The following NOS2 variants were observed in gnomAD, a reference collection of about 807,000 sequenced individuals.
The protein encoded by NOS2 is nitric oxide synthase 2, also known as nitric oxide synthase, inducible.
In NOS2, 96 loss-of-function variants were observed where a neutral mutation model predicts 136.0. The observed-to-expected ratio is 0.71, with a 90% CI of 0.60 to 0.84. NOS2 has a LOEUF of 0.84. NOS2 is among the 40% of genes least tolerant of loss of function. The pLI is 0.00. For synonymous variants in NOS2, 539 were observed against 587.5 expected (o/e 0.92, Z 1.20); for missense variants, 1,237 against 1,496.9 (o/e 0.83, Z 2.87).
intron 13 of NOS2, among the ~76,000 whole-genome samples, 154 bp from the exon 14 acceptor site, chr17:27,772,606 C>T (rs570575937): frequency 2.0e-5 from 3 of 152,294 alleles, no homozygotes; most frequent in African/African-American, 7.2e-5. Flanking sequence ...ACCGTGACAA[C>T]TCACCCTTTT....
chr17:27,769,699 G>A (rs1169743003), intron 15 of NOS2, 115 bp from the exon 16 acceptor site: 11 of 906,204 alleles, frequency 1.2e-5, no homozygotes, highest in South Asian at 5.7e-5. Context: ...AGCCCACCAC[G>A]GAAGTTGGTT....
chr17:27,782,834 T>C lies in NOS2; in HGVS notation c.630+110A>G, dbSNP rs558746354. ...GAATGTAAGAGAGGATCCAGGGCCATGGCTTCAGTCCCAGGAGGCCTGGGC... is the reference window on the plus strand; with the variant it reads ...GAATGTAAGAGAGGATCCAGGGCCACGGCTTCAGTCCCAGGAGGCCTGGGC... On this transcript the variant is annotated intron_variant, in intron 6 of 26. Coordinates refer to ENST00000313735, the MANE Select transcript of NOS2 (RefSeq NM_000625.4). The C allele has an allele frequency of 6.5e-6, 7 of 1,074,980 alleles. No individual in the cohort carries two copies. The Admixed American group carries it at 9.5e-5, about 15-fold the overall frequency. 66.6% of individuals were successfully genotyped at this position (1,074,980 alleles called of 1,614,324 possible).
intron 18 of NOS2, among the ~76,000 whole-genome samples, chr17:27,766,834 G>T (rs1238853946): frequency 6.6e-6 from 1 of 151,954 alleles, no homozygotes; most frequent in Non-Finnish European, 1.5e-5. Flanking sequence ...ATTACTGGAG[G>T]TCAAGAGTTT....
chr17:27,768,902 C>T (rs765234804), intron 17 of NOS2, 75 bp downstream of exon 17: 16 of 1,444,892 alleles, frequency 1.1e-5, no homozygotes, highest in Non-Finnish European at 1.5e-5. Context: ...ACCTGGGACG[C>T]CCAGCACAGA....
At chr17:27,760,582 C>T in intron 24 of NOS2, 41 bp downstream of exon 24, 1 of 1,550,258 alleles carries the variant, frequency 6.5e-7, no homozygotes, top group Non-Finnish European at 8.7e-7. Context: ...CAGGCGCTGG[C>T]CCCCTGGTGC....
intron 19 of NOS2, 40 bp downstream of exon 19, chr17:27,766,470 C>T (rs1035561325): frequency 1.1e-5 from 16 of 1,492,932 alleles, no homozygotes; most frequent in Middle Eastern, 3.4e-4. Flanking sequence ...AAAATAAAAT[C>T]GACAGAGTAT....
At chr17:27,757,923 A>G (rs1454457267) in intron 26 of NOS2, among the ~76,000 whole-genome samples, 4 of 152,198 alleles carry the variant, frequency 2.6e-5, no homozygotes, top group Non-Finnish European at 5.9e-5. Context: ...AGAACAGCCC[A>G]GAGTGTTTCC....
chr17:27,779,537 C>A (rs1430890203), intron 9 of NOS2, among the ~76,000 whole-genome samples: 1 of 151,998 alleles, frequency 6.6e-6, no homozygotes, highest in Admixed American at 6.6e-5. Context: ...CAAGAAAACT[C>A]CTTTCCAAGA....
chr17:27,794,992 C>T (rs553673892), intron 2 of NOS2, among the ~76,000 whole-genome samples: 1 of 152,220 alleles, frequency 6.6e-6, no homozygotes, highest in Non-Finnish European at 1.5e-5. Context: ...CCCCCAACTC[C>T]TCCCCACACT....
At chr17:27,781,201 G>T in intron 7 of NOS2, 24 bp from the exon 8 acceptor site, 2 of 1,592,412 alleles carry the variant, frequency 1.3e-6, no homozygotes, top group Non-Finnish European at 1.7e-6. Flanking sequence ...GAACAGTACT[G>T]TTTACCACCT....
At chr17:27,769,499 G>A (rs1323056911) in intron 16 of NOS2, 36 bp downstream of exon 16, 1 of 1,592,386 alleles carries the variant, frequency 6.3e-7, no homozygotes, top group African/African-American at 1.3e-5. Flanking sequence ...GGTCCACAGG[G>A]CAGGGCTAGG....
Position 27,782,020 on chromosome 17 carries a change from G to T in NOS2, c.717C>A (p.Asn239Lys), listed in dbSNP as rs367879866. The T allele has an allele frequency of 1.9e-6, 3 of 1,613,832 alleles. No homozygotes were observed. Among genetic ancestry groups the T allele is most frequent in the Non-Finnish European group, 2.5e-6 (3 of 1,179,882 alleles). Residue 239 changes from asparagine (N) to lysine (K), a missense_variant, in exon 7 of 27, where the codon AAC becomes AAA. Around this residue, in one of 3 missense-constraint regions of NOS2, gnomAD observed 440 missense variants for 545.4 expected, o/e 0.81. Transcript: ENST00000313735. ...RHVRYSTNNG[N>K]IRSAITVFPQ... is the part of the protein sequence containing the mutation. ...CCTGGGAAATGTGCACCGACCTGAT[G>T]TTGCCATTGTTGGTGGAGTAACGCA...
Position 27,772,435 on chromosome 17 carries a change from C to T in NOS2, c.1577G>A (p.Cys526Tyr). The change falls in exon 14 of 27, where the codon TGT (cysteine) becomes TAT (tyrosine). Residue 526 changes from cysteine (C) to tyrosine (Y), a missense_variant. Cys to Tyr is a radical substitution (Grantham distance 194, BLOSUM62 -2). Coordinates refer to ENST00000313735, the MANE Select transcript of NOS2 (RefSeq NM_000625.4). ...CGCCATTGTCTTGCGCATCAGCATA[C>T]AGGCAAAGAGCACAGCTCTGTGGGG... is the stretch of plus-strand genomic sequence containing the variant. ...KVLVKAVLFA[C>Y]MLMRKTMASR... The T allele has an allele frequency of 6.2e-7, 1 of 1,614,052 alleles. No homozygotes were observed. The highest frequency in any genetic ancestry group is 8.5e-7 in the Non-Finnish European group (1 of 1,180,042).
rs1908222742 is a variant in NOS2, at chr17:27,764,116, C to T, written c.2457G>A (p.Leu819=). 1 of 1,582,066 alleles carries T rather than the reference C, an allele frequency of 6.3e-7. No individual in the cohort carries two copies. Residue 819 remains leucine (L), a synonymous_variant, in exon 21 of 27, where the codon CTG becomes CTA. Coordinates refer to ENST00000313735, the MANE Select transcript of NOS2 (RefSeq NM_000625.4). ...GGGCCTGGCTGAGTGAGCAGGGGGG[C>T]AGCCTCTTGTCACTGACCCAGTAGC... The part of the protein sequence containing the change: ...SGSYWVSDKR[L]PPCSLSQALT...
chr17:27,782,645 C>G (rs1263119495), intron 6 of NOS2, among the ~76,000 whole-genome samples: 2 of 152,212 alleles, frequency 1.3e-5, no homozygotes, highest in African/African-American at 2.4e-5. Context: ...CTTGCAGCAC[C>G]ACGGCCTCAA....
intron 7 of NOS2, 38 bp from the exon 8 acceptor site, chr17:27,781,215 C>T (rs943272906): frequency 6.3e-7 from 1 of 1,575,670 alleles, no homozygotes; most frequent in Non-Finnish European, 8.6e-7. Context: ...ACCACCTAGC[C>T]CTGGTGGGGG....
At chr17:27,773,468 G>A (rs903864552) in intron 12 of NOS2, among the ~76,000 whole-genome samples, 1 of 152,200 alleles carries the variant, frequency 6.6e-6, no homozygotes, top group Non-Finnish European at 1.5e-5. Flanking sequence ...ATCGAGGGGG[G>A]GCGGCTAACC....
At position 27,783,019 on chromosome 17, in the gene NOS2, C is replaced by T. The variant is rs750884011; in HGVS notation, c.555G>A (p.Glu185=). ...TTGTYQLTGD[E]LIFATKQAWR... Reference sequence around the variant, plus strand: ...AGGCCTGCTTGGTGGCGAAGATGAGCTCATCTCCCGTCAGTTGGTAGGTTC... The same window carrying T: ...AGGCCTGCTTGGTGGCGAAGATGAGTTCATCTCCCGTCAGTTGGTAGGTTC... Residue 185 remains glutamate, a synonymous_variant, in exon 6 of 27, where the codon GAG becomes GAA. Coordinates refer to ENST00000313735, the MANE Select transcript of NOS2 (RefSeq NM_000625.4). 5 of 1,614,228 alleles carry T rather than the reference C, an allele frequency of 3.1e-6. No individual in the cohort carries two copies. The highest frequency in any genetic ancestry group is 3.4e-6 in the Non-Finnish European group (4 of 1,180,030).
intron 2 of NOS2, among the ~76,000 whole-genome samples, chr17:27,792,009 G>A (rs767253488): frequency 6.6e-6 from 1 of 152,196 alleles, no homozygotes; most frequent in Non-Finnish European, 1.5e-5. Flanking sequence ...TCTGGAAGTA[G>A]AGTTGGACAA....
Sources: gnomAD v4.1 joint callset for allele counts (sites outside exome capture counted in the v4.1 genomes callset) on GRCh38, gnomAD v4.1.1 for gene constraint, gnomAD v4.1.1 regional missense constraint, MANE v1.5 for transcripts, NCBI Gene and HGNC (gene_info 2026-07-23, HGNC 2026-07-21) for gene names.